Variants in CREB5 observed in about 807,000 individuals in gnomAD.
CREB5 encodes the protein cyclic AMP-responsive element-binding protein 5.
In CREB5, 19 loss-of-function variants were observed where a neutral mutation model predicts 57.1. The observed-to-expected ratio is 0.33, with a 90% CI of 0.23 to 0.49. CREB5 has a LOEUF of 0.49. Ranked by LOEUF, CREB5 falls within the 20% of genes least tolerant of loss-of-function variation. CREB5 has a pLI of 0.99. For missense variants in CREB5, 579 were observed against 671.6 expected (o/e 0.86, Z 1.52); for synonymous variants, 238 against 238.3 (o/e 1.00, Z 0.01).
chr7:28,712,982 A>G (rs1354077535), intron 5 of CREB5, among the ~76,000 whole-genome samples: 2 of 152,218 alleles, frequency 1.3e-5, no homozygotes, highest in Non-Finnish European at 2.9e-5. Context: ...AGAAAAAAGT[A>G]GTTTGCCAAA....
At chr7:28,785,279 G>T (rs368565733) in intron 7 of CREB5, among the ~76,000 whole-genome samples, 13 of 152,318 alleles carry the variant, frequency 8.5e-5, no homozygotes, top group African/African-American at 2.6e-4. Flanking sequence ...TCTCTCAGAG[G>T]TGCTTGCGTT....
chr7:28,599,958 G>A (rs1468990058), intron 5 of CREB5, among the ~76,000 whole-genome samples: 3 of 152,010 alleles, frequency 2.0e-5, no homozygotes, highest in Non-Finnish European at 1.5e-5. Context: ...AGACCACAGG[G>A]GATCAATAAT....
intron 5 of CREB5, among the ~76,000 whole-genome samples, chr7:28,638,893 C>A (rs1798535713): frequency 6.6e-6 from 1 of 152,172 alleles, no homozygotes; most frequent in Non-Finnish European, 1.5e-5. Flanking sequence ...TTGTATACTT[C>A]TTCCCAAATC....
At chr7:28,374,030 C>T (rs957642421) in intron 1 of CREB5, among the ~76,000 whole-genome samples, 1 of 151,914 alleles carries the variant, frequency 6.6e-6, no homozygotes, top group Non-Finnish European at 1.5e-5. Context: ...ACTGGTCAGC[C>T]TTTTTTCTTA....
chr7:28,462,165 C>T (rs1790376415), intron 1 of CREB5, among the ~76,000 whole-genome samples: 1 of 152,214 alleles, frequency 6.6e-6, no homozygotes, highest in South Asian at 2.1e-4. Flanking sequence ...TGGAATCACA[C>T]AACACGTGAC....
intron 7 of CREB5, among the ~76,000 whole-genome samples, chr7:28,734,206 CAAAAAAAAAAAAA>C (rs61403862): frequency 7.3e-5 from 7 of 96,448 alleles, no homozygotes; most frequent in African/African-American, 2.7e-4. Context: ...TTCAGTAGTT[CAAAAAAAAAAAAA>C]AAAAAAAAAA....
chr7:28,543,153 C>A (rs1794271691), intron 4 of CREB5, among the ~76,000 whole-genome samples: 1 of 152,118 alleles, frequency 6.6e-6, no homozygotes, highest in African/African-American at 2.4e-5. Context: ...TTATATGGAA[C>A]AAATGTCTGT....
At chr7:28,516,434 A>G (rs1227929904) in intron 4 of CREB5, among the ~76,000 whole-genome samples, 1 of 152,204 alleles carries the variant, frequency 6.6e-6, no homozygotes, top group Non-Finnish European at 1.5e-5. Context: ...TGGTGCTACA[A>G]CATTGGGACT....
At chr7:28,690,104 C>T (rs1168586187) in intron 5 of CREB5, among the ~76,000 whole-genome samples, 2 of 152,160 alleles carry the variant, frequency 1.3e-5, no homozygotes, top group Non-Finnish European at 2.9e-5. Flanking sequence ...ATGCCCTTGC[C>T]TGTCAGTGGA....
intron 4 of CREB5, among the ~76,000 whole-genome samples, chr7:28,536,547 A>G (rs764495373): frequency 3.5e-4 from 54 of 152,206 alleles, no homozygotes; most frequent in Admixed American, 2.7e-3. Context: ...GCAGCACTGT[A>G]CTGGCCTGGC....
At chr7:28,750,577 G>A (rs1392300848) in intron 7 of CREB5, among the ~76,000 whole-genome samples, 1 of 147,662 alleles carries the variant, frequency 6.8e-6, no homozygotes, top group Non-Finnish European at 1.5e-5. Context: ...AGAAATACAT[G>A]TAGAAGCTTA....
At position 28,483,850 on chromosome 7, in the gene CREB5, A is replaced by T. The variant is rs1055258929; in HGVS notation, c.4-4325A>T. On this transcript the variant is annotated intron_variant, in intron 1 of 10. Transcript: ENST00000357727. ...ACTTTTTTCCATGAAATCTGGAGAGATTTCTTCTCTGGCCATAACTGTCAA... is the reference window on the plus strand; with the variant it reads ...ACTTTTTTCCATGAAATCTGGAGAGTTTTCTTCTCTGGCCATAACTGTCAA... Among the ~76,000 whole-genome samples the T allele has an allele frequency of 7.4e-4, 113 of 152,120 alleles. 7 individuals carry two copies. Among genetic ancestry groups the T allele is most frequent in the Non-Finnish European group, 5.9e-5 (4 of 68,004 alleles).
intron 1 of CREB5, among the ~76,000 whole-genome samples, chr7:28,462,676 A>T (rs1010729544): frequency 1.3e-5 from 2 of 152,092 alleles, no homozygotes; most frequent in Non-Finnish European, 2.9e-5. Flanking sequence ...GATGTTGACG[A>T]TATTTTTATG....
chr7:28,647,312 G>A (rs76047725), intron 5 of CREB5, among the ~76,000 whole-genome samples: 5,580 of 151,896 alleles, frequency 0.037, 301 homozygotes, highest in East Asian at 0.24. Context: ...AGACTAGGGT[G>A]GAGCATCCAA....
intron 5 of CREB5, among the ~76,000 whole-genome samples, chr7:28,608,495 G>C (rs770114055): frequency 4.6e-5 from 7 of 152,042 alleles, no homozygotes; most frequent in Non-Finnish European, 8.8e-5. Flanking sequence ...GCAGAATTTG[G>C]TTGTTAAGGA....
intron 1 of CREB5, among the ~76,000 whole-genome samples, chr7:28,445,798 G>C (rs199511618): frequency 2.0e-5 from 3 of 151,076 alleles, no homozygotes; most frequent in Non-Finnish European, 1.5e-5. Context: ...TGATCCGCCT[G>C]CCTCAGCCTC....
chr7:28,410,793 G>A, upstream of CREB5: 1 of 351,304 alleles, frequency 2.8e-6, no homozygotes, highest in South Asian at 2.2e-5. Context: ...TTAACGGCTT[G>A]AGCTCCTCAA....
At chr7:28,419,419 G>A (rs1469983246) in intron 1 of CREB5, among the ~76,000 whole-genome samples, 3 of 152,202 alleles carry the variant, frequency 2.0e-5, no homozygotes, top group Non-Finnish European at 4.4e-5. Context: ...CGTTGGCTTG[G>A]CCATTTGCAG....
chr7:28,331,563 GTTC>G (rs1785717204), intron 1 of CREB5, among the ~76,000 whole-genome samples: 1 of 152,082 alleles, frequency 6.6e-6, no homozygotes, highest in Non-Finnish European at 1.5e-5. Flanking sequence ...CTCTGTCCTT[GTTC>G]TTTTACTCCT....
Sources: allele counts gnomAD v4.1 joint callset (sites outside exome capture counted in the v4.1 genomes callset), GRCh38; gene constraint gnomAD v4.1.1; transcripts MANE v1.5; gene names NCBI Gene and HGNC (gene_info 2026-07-23, HGNC 2026-07-21).